Variants in NEIL3 observed in about 807,000 individuals in gnomAD.
NEIL3 encodes the protein endonuclease 8-like 3.
NEIL3 carries 48 observed loss-of-function variants against 57.5 expected under a neutral mutation model. The ratio of observed to expected loss-of-function variants is 0.83; its 90% CI spans 0.66 to 1.06. NEIL3 has a LOEUF of 1.06. Ranked by LOEUF, NEIL3 falls within the 50% of genes least tolerant of loss-of-function variation. NEIL3 has a pLI of 0.00. For missense variants in NEIL3, 717 were observed against 739.1 expected, an observed-to-expected ratio of 0.97 and a Z score of 0.35; for synonymous variants, 261 against 253.2, an observed-to-expected ratio of 1.03 and a Z score of -0.29.
chr4:177,347,522 G>A (rs982265442), intron 6 of NEIL3, among the ~76,000 whole-genome samples: 2 of 152,154 alleles, frequency 1.3e-5, no homozygotes, highest in African/African-American at 4.8e-5. Flanking sequence ...TGAGCAGGAG[G>A]GCAGCATGAA....
At chr4:177,355,900 T>A (rs1349212795) in intron 8 of NEIL3, among the ~76,000 whole-genome samples, 1 of 152,220 alleles carries the variant, frequency 6.6e-6, no homozygotes, top group East Asian at 1.9e-4. Flanking sequence ...TCATTTATGA[T>A]AACTGGTTTA....
intron 5 of NEIL3, among the ~76,000 whole-genome samples, chr4:177,340,158 G>T (rs1254844275): frequency 6.6e-6 from 1 of 152,148 alleles, no homozygotes; most frequent in Non-Finnish European, 1.5e-5. Context: ...AAAGTCTAGA[G>T]AGGCTGACCT....
At chr4:177,322,333 G>C in intron 1 of NEIL3, 126 bp from the exon 2 acceptor site, 2 of 1,236,618 alleles carry the variant, frequency 1.6e-6, no homozygotes, top group South Asian at 2.9e-5. Context: ...ACTTGTTGGA[G>C]ATTATTCTTC....
At chr4:177,329,325 C>T (rs1292286605) in intron 2 of NEIL3, among the ~76,000 whole-genome samples, 1 of 151,920 alleles carries the variant, frequency 6.6e-6, no homozygotes, top group Admixed American at 6.6e-5. Context: ...TGAATAAAAA[C>T]ACAAGACCCA....
Position 177,335,754 on chromosome 4 carries a change from T to C in NEIL3, c.345T>C (p.Ala115=). 6.3e-7 allele frequency: 1 copy of C among 1,596,204 alleles called. No individual in the cohort carries two copies. Among genetic ancestry groups the C allele is most frequent in the Non-Finnish European group, 8.5e-7 (1 of 1,173,196 alleles). The change falls in exon 3 of 10, where the codon GCT becomes GCC. Residue 115 remains alanine (A), a synonymous_variant. Coordinates refer to ENST00000264596, the MANE Select transcript of NEIL3 (RefSeq NM_018248.3). ...NPLEYKYKNG[A]SPVLEVQLTK... ...TTGAGTATAAATATAAAAATGGAGC[T>C]TCTCCTGTTTTGGAAGTGCAGCTCA...
chr4:177,312,542 A>G (rs1362946459), intron 1 of NEIL3, among the ~76,000 whole-genome samples: 3 of 152,168 alleles, frequency 2.0e-5, no homozygotes, highest in Admixed American at 2.0e-4. Context: ...TTCTATGGCC[A>G]TGTTTGGATT....
rs1236009619 is a variant in NEIL3 at position 177,321,712 on chromosome 4, A to G, written c.157-747A>G. On this transcript the variant is annotated intron_variant, in intron 1 of 9. Transcript: ENST00000264596. ...GATGGGGGAAAGGGAATATGAGTTT[A>G]TTTTTTCTTTATTCTTAACATTGTG... Among the ~76,000 whole-genome samples, 3 of 152,098 alleles carry G rather than the reference A, an allele frequency of 2.0e-5. No individual in the cohort carries two copies. The East Asian group carries it at 5.8e-4, about 29-fold the overall frequency.
chr4:177,320,710 G>C (rs540443182), intron 1 of NEIL3, among the ~76,000 whole-genome samples: 1 of 151,384 alleles, frequency 6.6e-6, no homozygotes, highest in African/African-American at 2.4e-5. Flanking sequence ...CTCGTGATCC[G>C]CCCGCCTCGA....
the NEIL3 span, among the ~76,000 whole-genome samples, chr4:177,369,499 C>G: frequency 6.6e-6 from 1 of 152,132 alleles, no homozygotes; most frequent in Non-Finnish European, 1.5e-5. Flanking sequence ...ATAAATCACT[C>G]TCTCCTTAAG....
At chr4:177,364,915 A>G (rs1370118979), downstream of NEIL3, among the ~76,000 whole-genome samples, 3 of 149,170 alleles carry the variant, frequency 2.0e-5, no homozygotes, top group East Asian at 5.9e-4. Flanking sequence ...TGACAGAGTG[A>G]GACTCTGTCT....
At chr4:177,322,160 A>G (rs949657596) in intron 1 of NEIL3, among the ~76,000 whole-genome samples, 1 of 152,158 alleles carries the variant, frequency 6.6e-6, no homozygotes, top group Non-Finnish European at 1.5e-5. Flanking sequence ...TTGTATTCCT[A>G]TGCTTTCTTT....
intron 1 of NEIL3, among the ~76,000 whole-genome samples, chr4:177,314,431 T>C (rs1734535477): frequency 1.3e-5 from 2 of 152,230 alleles, no homozygotes; most frequent in South Asian, 4.1e-4. Flanking sequence ...TGTTGCATCT[T>C]AGCTTATTTG....
chr4:177,353,330 A>G lies in NEIL3; in HGVS notation c.1062A>G (p.Glu354=). The G allele has an allele frequency of 6.2e-7, 1 of 1,612,818 alleles. No individual in the cohort carries two copies. Among genetic ancestry groups the G allele is most frequent in the Non-Finnish European group, 8.5e-7 (1 of 1,179,694 alleles). The change falls in exon 8 of 10, where the codon GAA becomes GAG. Residue 354 remains glutamate, a synonymous_variant. Transcript: ENST00000264596. Reference sequence around the variant, plus strand: ...CAGATTCAGTGCTCAAGAGTGAAGAAAATTCTACTGTCTTTAGCCACTTAA... The same window carrying G: ...CAGATTCAGTGCTCAAGAGTGAAGAGAATTCTACTGTCTTTAGCCACTTAA... ...RPIDSVLKSE[E]NSTVFSHLMK... is the part of the protein sequence containing the mutation.
At chr4:177,346,310 G>C (rs904687716) in intron 6 of NEIL3, among the ~76,000 whole-genome samples, 1 of 151,916 alleles carries the variant, frequency 6.6e-6, no homozygotes. Flanking sequence ...GGGACAACAG[G>C]CATGCACCAT....
the NEIL3 span, among the ~76,000 whole-genome samples, chr4:177,370,494 G>T: frequency 5.3e-5 from 8 of 152,142 alleles, no homozygotes; most frequent in African/African-American, 1.9e-4. Context: ...TCAAAGGAGG[G>T]CCTGGGGAAC....
chr4:177,355,673 G>A (rs1302136874), intron 8 of NEIL3, among the ~76,000 whole-genome samples: 2 of 152,054 alleles, frequency 1.3e-5, no homozygotes. Context: ...TTTACTGATG[G>A]GTAGATGCCT....
chr4:177,317,479 G>A (rs566266898), intron 1 of NEIL3, among the ~76,000 whole-genome samples: 42 of 151,728 alleles, frequency 2.8e-4, no homozygotes, highest in South Asian at 1.7e-3. Flanking sequence ...ACAAGGGAAC[G>A]TATTACCTTT....
the NEIL3 span, among the ~76,000 whole-genome samples, chr4:177,369,670 C>A: frequency 6.6e-5 from 10 of 151,976 alleles, no homozygotes; most frequent in African/African-American, 2.4e-4. Flanking sequence ...AAAATTGAGT[C>A]CTGGAGTCAG....
rs1181188322 is a variant in NEIL3 at position 177,362,317 on chromosome 4, A to G, written c.1664A>G (p.Asn555Ser). 2.5e-6 allele frequency: 4 copies of G among 1,606,962 alleles called. No homozygotes were observed. The Admixed American group carries it at 5.1e-5, about 21-fold the overall frequency. Reference protein sequence around the residue: ...EWADLSFPFCNHGKRSTMKTV... With the variant: ...EWADLSFPFCSHGKRSTMKTV... ...GCAGATTTGTCCTTCCCATTCTGCA[A>G]CCATGGCAAGCGTTCCACCATGAAA... The change falls in exon 10 of 10, where the codon AAC becomes AGC. Residue 555 changes from asparagine to serine, a missense_variant. Physicochemically the swap from Asn to Ser is conservative, Grantham distance 46. Coordinates refer to ENST00000264596, the MANE Select transcript of NEIL3 (RefSeq NM_018248.3).
Sources: gnomAD v4.1 joint callset for allele counts (sites outside exome capture counted in the v4.1 genomes callset) on GRCh38, gnomAD v4.1.1 for gene constraint, MANE v1.5 for transcripts, NCBI Gene and HGNC (gene_info 2026-07-23, HGNC 2026-07-21) for gene names.